CNTLN: variants seen among roughly 807,000 people sequenced by gnomAD.
The protein encoded by CNTLN is centlein, centrosomal protein.
In CNTLN, 212 loss-of-function variants were observed where a neutral mutation model predicts 180.0. The ratio of observed to expected loss-of-function variants is 1.18; its 90% CI spans 1.05 to 1.32. CNTLN has a LOEUF of 1.32. Ranked by LOEUF, CNTLN falls within the 40% of genes most tolerant of loss-of-function variation. The pLI, the probability that CNTLN is intolerant of heterozygous loss-of-function variation, is 0.00. For synonymous variants in CNTLN, 722 were observed against 563.1 expected, an observed-to-expected ratio of 1.28 and a Z score of -3.99; for missense variants, 2,095 against 1,610.9, an observed-to-expected ratio of 1.30 and a Z score of -5.14.
At chr9:17,505,772 A>C (rs776964860), downstream of CNTLN, among the ~76,000 whole-genome samples, 8 of 152,118 alleles carry the variant, frequency 5.3e-5, no homozygotes, top group Non-Finnish European at 1.2e-4. Context: ...GAAATAGAGA[A>C]CATTTTTCTA....
At chr9:17,343,156 T>C (rs1821618755) in intron 12 of CNTLN, among the ~76,000 whole-genome samples, 1 of 152,246 alleles carries the variant, frequency 6.6e-6, no homozygotes, top group Non-Finnish European at 1.5e-5. Flanking sequence ...GTTGGTCGCT[T>C]GATCTTATAA....
At chr9:17,183,537 CAAT>C (rs1821250008) in intron 2 of CNTLN, among the ~76,000 whole-genome samples, 1 of 150,676 alleles carries the variant, frequency 6.6e-6, no homozygotes, top group Non-Finnish European at 1.5e-5. Flanking sequence ...GAATTGCAAA[CAAT>C]AAAAACTGTA....
At chr9:17,353,792 G>C (rs1042614754) in intron 12 of CNTLN, among the ~76,000 whole-genome samples, 1 of 152,024 alleles carries the variant, frequency 6.6e-6, no homozygotes, top group Non-Finnish European at 1.5e-5. Context: ...CAGAGCCCTC[G>C]CTTGCTCTCC....
chr9:17,439,345 AT>A (rs1272387885), intron 18 of CNTLN, among the ~76,000 whole-genome samples: 4 of 152,226 alleles, frequency 2.6e-5, no homozygotes, highest in African/African-American at 9.6e-5. Flanking sequence ...ATTTCAAAGG[AT>A]TTGTATCATA....
chr9:17,278,931 T>C (rs2132561258), intron 6 of CNTLN, among the ~76,000 whole-genome samples: 1 of 152,230 alleles, frequency 6.6e-6, no homozygotes, highest in Non-Finnish European at 1.5e-5. Context: ...TGGTAACTAA[T>C]AATTTTAGGT....
intron 1 of CNTLN, among the ~76,000 whole-genome samples, chr9:17,136,098 T>TA (rs1817697867): frequency 6.6e-6 from 1 of 152,218 alleles, no homozygotes; most frequent in African/African-American, 2.4e-5. Context: ...TTCCTGTTTG[T>TA]AGAGTTTTTG....
intron 5 of CNTLN, among the ~76,000 whole-genome samples, chr9:17,238,637 C>T (rs1196825503): frequency 6.6e-6 from 1 of 152,140 alleles, no homozygotes; most frequent in African/African-American, 2.4e-5. Flanking sequence ...CACAGTTTTC[C>T]CTGAGTCTTC....
chr9:17,468,135 C>G (rs933258218), intron 23 of CNTLN, among the ~76,000 whole-genome samples: 5 of 151,502 alleles, frequency 3.3e-5, no homozygotes, highest in African/African-American at 1.2e-4. Context: ...TGAACTAACA[C>G]ACAAAGGAAA....
chr9:17,350,748 A>G (rs1036524328), intron 12 of CNTLN, among the ~76,000 whole-genome samples: 3 of 152,076 alleles, frequency 2.0e-5, no homozygotes, highest in Admixed American at 6.5e-5. Context: ...TTCTCATCTT[A>G]AAAAGCCACT....
intron 12 of CNTLN, among the ~76,000 whole-genome samples, chr9:17,342,728 A>G (rs892684541): frequency 6.6e-6 from 1 of 152,086 alleles, no homozygotes; most frequent in Non-Finnish European, 1.5e-5. Context: ...ATTAGCCTGT[A>G]TTTTAGACGC....
chr9:17,290,004 C>G (rs1249569680), intron 6 of CNTLN, among the ~76,000 whole-genome samples: 1 of 152,138 alleles, frequency 6.6e-6, no homozygotes, highest in East Asian at 1.9e-4. Context: ...CTTCTTCTCT[C>G]AGCTCGTCAG....
intron 2 of CNTLN, among the ~76,000 whole-genome samples, chr9:17,209,435 A>G (rs746631851): frequency 6.8e-4 from 103 of 152,260 alleles, no homozygotes; most frequent in Non-Finnish European, 1.2e-3. Context: ...TATTAGATCT[A>G]TTTGTTCTGC....
intron 18 of CNTLN, among the ~76,000 whole-genome samples, chr9:17,428,490 C>T (rs1829226674): frequency 6.6e-6 from 1 of 152,046 alleles, no homozygotes; most frequent in Admixed American, 6.6e-5. Flanking sequence ...CTACTGTATG[C>T]CTTCTCAAAA....
At chr9:17,467,128 A>G (rs1331432481) in intron 23 of CNTLN, among the ~76,000 whole-genome samples, 3 of 151,548 alleles carry the variant, frequency 2.0e-5, no homozygotes, top group Non-Finnish European at 4.4e-5. Context: ...CAATTTAGTT[A>G]TGAAATTGTA....
intron 7 of CNTLN, among the ~76,000 whole-genome samples, chr9:17,304,652 G>T (rs1416032164): frequency 6.6e-6 from 1 of 151,966 alleles, no homozygotes; most frequent in East Asian, 1.9e-4. Flanking sequence ...TATCCATAGG[G>T]CATATCCCCA....
At chr9:17,297,281 C>T (rs1306959429) in intron 6 of CNTLN, among the ~76,000 whole-genome samples, 1 of 152,108 alleles carries the variant, frequency 6.6e-6, no homozygotes, top group African/African-American at 2.4e-5. Flanking sequence ...ATATTCAAAA[C>T]TACATCATTT....
At chr9:17,458,797 G>C (rs916663431) in intron 19 of CNTLN, among the ~76,000 whole-genome samples, 1 of 151,574 alleles carries the variant, frequency 6.6e-6, no homozygotes, top group African/African-American at 2.4e-5. Context: ...GTATAACTTG[G>C]GTCAGTCACA....
chr9:17,239,650 G>C (rs1825368595), intron 5 of CNTLN, among the ~76,000 whole-genome samples: 1 of 152,102 alleles, frequency 6.6e-6, no homozygotes, highest in South Asian at 2.1e-4. Context: ...TTTGAATATG[G>C]TGTGAGATAC....
Position 17,464,381 on chromosome 9 carries a change from C to T in CNTLN, c.3405-116C>T, listed in dbSNP as rs931261237. ...AATTCATTTTACTGATTTACAGTGTCAATATCACGTAGCATTTAAAAAGTA... is the reference window on the plus strand; with the variant it reads ...AATTCATTTTACTGATTTACAGTGTTAATATCACGTAGCATTTAAAAAGTA... On this transcript the variant is annotated intron_variant, in intron 20 of 25. Transcript: ENST00000380647. 19 of 795,342 alleles carry T rather than the reference C, an allele frequency of 2.4e-5. No homozygotes were observed. The South Asian group carries it at 3.4e-4, about 14-fold the overall frequency. The allele number at this position is 795,342 out of a possible 1,614,324, so 49.3% of individuals were successfully genotyped here. A position where few individuals can be genotyped will look rare whatever the true frequency, so the allele number is the denominator to read the frequency against.
Sources: allele counts gnomAD v4.1 joint callset (sites outside exome capture counted in the v4.1 genomes callset), GRCh38; gene constraint gnomAD v4.1.1; transcripts MANE v1.5; gene names NCBI Gene and HGNC (gene_info 2026-07-23, HGNC 2026-07-21).